RBM17: variants seen among roughly 807,000 people sequenced by gnomAD.
RBM17 encodes the protein splicing factor 45.
A neutral mutation model predicts 53.2 loss-of-function variants in RBM17; 7 were observed. The ratio of observed to expected loss-of-function variants is 0.13; its 90% CI spans 0.07 to 0.25. RBM17 has a LOEUF of 0.25. Among genes scored for constraint, RBM17 ranks in the 10% least tolerant of loss-of-function variants. The probability of loss-of-function intolerance (pLI) is 1.00; values close to 1 mark genes in which losing one functional copy is unlikely to be tolerated. For synonymous variants in RBM17, 167 were observed against 178.1 expected (o/e 0.94, Z 0.50); for missense variants, 257 against 496.7 (o/e 0.52, Z 4.59).
intron 1 of RBM17, chr10:6,096,790 A>G: frequency 4.7e-6 from 1 of 214,314 alleles, no homozygotes; most frequent in South Asian, 1.0e-4. Context: ...CCTAGCATTG[A>G]AGGATTTCAC....
chr10:6,111,395 A>G (rs572181836), intron 7 of RBM17, among the ~76,000 whole-genome samples: 3 of 152,358 alleles, frequency 2.0e-5, no homozygotes, highest in African/African-American at 7.2e-5. Context: ...GCTGGAGTGC[A>G]GTGGTGCGAT....
chr10:6,113,452 A>C lies in RBM17; in HGVS notation c.857-56A>C, dbSNP rs1434952730. 17 of 1,176,376 alleles carry C rather than the reference A, an allele frequency of 1.4e-5. No homozygotes were observed. In the East Asian group the frequency reaches 3.7e-4, roughly 26 times the overall value. The allele number at this position is 1,176,376 out of a possible 1,614,324, so 72.9% of individuals were successfully genotyped here. A position where few individuals can be genotyped will look rare whatever the true frequency, so the allele number is the denominator to read the frequency against. ...TAAGTAGGACTCAGTTCTGTAACAC[A>C]TCTAATGATATGCTGCTCAGTTCTG... On this transcript the variant is annotated intron_variant, in intron 8 of 11. Coordinates refer to ENST00000379888, the MANE Select transcript of RBM17 (RefSeq NM_032905.5).
chr10:6,093,968 A>ATTTTTTTT, intron 1 of RBM17, among the ~76,000 whole-genome samples: 1 of 93,272 alleles, frequency 1.1e-5, no homozygotes, highest in Non-Finnish European at 2.1e-5. Flanking sequence ...CAAGTGTGGA[A>ATTTTTTTT]TTTTTTTTTT....
chr10:6,108,522 C>G, intron 5 of RBM17, 164 bp from the exon 6 acceptor site: 1 of 517,196 alleles, frequency 1.9e-6, no homozygotes, highest in Non-Finnish European at 3.5e-6. Context: ...TAAATCCTAG[C>G]ATCAGAGGTT....
intron 2 of RBM17, among the ~76,000 whole-genome samples, chr10:6,098,577 T>A (rs984521255): frequency 8.0e-6 from 1 of 125,034 alleles, no homozygotes; most frequent in Admixed American, 7.9e-5. Flanking sequence ...TTTTTTTTTT[T>A]TTTTTTTTTT....
chr10:6,113,958 A>C, intron 9 of RBM17, 91 bp from the exon 10 acceptor site: 2 of 819,354 alleles, frequency 2.4e-6, no homozygotes, highest in Non-Finnish European at 3.9e-6. Flanking sequence ...GATTGAGAAC[A>C]TTTACCATCA....
rs1319472252 is a variant in RBM17 at position 6,089,793 on chromosome 10, C to G, written c.-19+600C>G. On this transcript the variant is annotated intron_variant, in intron 1 of 11. Coordinates refer to ENST00000379888, the MANE Select transcript of RBM17 (RefSeq NM_032905.5). The surrounding 1 kb of genome is among the most constrained non-coding windows in gnomAD (Gnocchi z 5.6). ...AGTCTTTGAGCTTCGCCTCTTGCCC[C>G]GAGAATGTGTAATGATCGGAGAATG... is the stretch of plus-strand genomic sequence containing the variant. 6.6e-6 allele frequency: 1 copy of G among 152,354 alleles called. No individual in the cohort carries two copies. Among genetic ancestry groups the G allele is most frequent in the Non-Finnish European group, 1.5e-5 (1 of 68,064 alleles). 9.4% of individuals were successfully genotyped at this position (152,354 alleles called of 1,614,324 possible). A position where few individuals can be genotyped will look rare whatever the true frequency, so the allele number is the denominator to read the frequency against.
intron 10 of RBM17, chr10:6,114,787 C>G (rs139909299): frequency 6.1e-6 from 1 of 162,608 alleles, no homozygotes; most frequent in African/African-American, 2.4e-5. Flanking sequence ...AATGGATGGG[C>G]CTGTTGGGGA....
At chr10:6,109,615 T>C (rs1840806919) in intron 6 of RBM17, among the ~76,000 whole-genome samples, 1 of 152,166 alleles carries the variant, frequency 6.6e-6, no homozygotes, top group Admixed American at 6.5e-5. Flanking sequence ...TCTAGACAGG[T>C]GCACCCAAGT....
rs1203330465 is a variant in RBM17 at position 6,115,743 on chromosome 10, T to A, written c.*187T>A. 7 of 433,654 alleles carry A rather than the reference T, an allele frequency of 1.6e-5. No homozygotes were observed. The highest frequency in any genetic ancestry group is 6.1e-5 in the African/African-American group (3 of 49,528). The allele number at this position is 433,654 out of a possible 1,614,324, so 26.9% of individuals were successfully genotyped here. On this transcript the variant is annotated 3_prime_UTR_variant, in exon 12 of 12. Coordinates refer to ENST00000379888, the MANE Select transcript of RBM17 (RefSeq NM_032905.5). ...TTTTAATATAGTATAAAAATCCTTT[T>A]AAAAAAACAACAATCTGTGTGCCTC...
At chr10:6,107,338 C>G (rs1316963024) in intron 5 of RBM17, among the ~76,000 whole-genome samples, 1 of 151,962 alleles carries the variant, frequency 6.6e-6, no homozygotes, top group Non-Finnish European at 1.5e-5. Flanking sequence ...CTACCACGCC[C>G]ATCTAATTTT....
At position 6,115,666 on chromosome 10, in the gene RBM17, T is replaced by C; in HGVS notation, c.*110T>C. On this transcript the variant is annotated 3_prime_UTR_variant, in exon 12 of 12. Coordinates refer to ENST00000379888, the MANE Select transcript of RBM17 (RefSeq NM_032905.5). ...CATGGCTGTTGCATACCAAGACTCT[T>C]GGAAGGACTTCTAAGATATATGTTG... 2 of 691,532 alleles carry C rather than the reference T, an allele frequency of 2.9e-6. No individual in the cohort carries two copies. 42.8% of individuals were successfully genotyped at this position (691,532 alleles called of 1,614,324 possible).
intron 1 of RBM17, among the ~76,000 whole-genome samples, chr10:6,095,423 G>C (rs1190820753): frequency 1.3e-5 from 2 of 152,004 alleles, no homozygotes; most frequent in Non-Finnish European, 2.9e-5. Context: ...GTGTTGGCCA[G>C]GCTGATCTCT....
intron 2 of RBM17, among the ~76,000 whole-genome samples, chr10:6,097,418 G>A (rs1211096341): frequency 1.3e-5 from 2 of 152,240 alleles, no homozygotes; most frequent in African/African-American, 2.4e-5. Context: ...CTCTGCGGGG[G>A]CTGGGCGCAG....
chr10:6,104,898 G>C (rs1253608928), intron 3 of RBM17, 33 bp from the exon 4 acceptor site: 1 of 1,595,306 alleles, frequency 6.3e-7, no homozygotes. Context: ...AAGATATAAA[G>C]AGGATTCTTA....
intron 5 of RBM17, 31 bp downstream of exon 5, chr10:6,106,269 A>T: frequency 1.4e-6 from 2 of 1,391,228 alleles, no homozygotes; most frequent in Non-Finnish European, 2.0e-6. Context: ...TCTTAAACAT[A>T]TATAAATACT....
At chr10:6,107,543 G>A (rs1448330347) in intron 5 of RBM17, among the ~76,000 whole-genome samples, 5 of 131,118 alleles carry the variant, frequency 3.8e-5, no homozygotes, top group Admixed American at 8.7e-5. Context: ...GTGCAGTGGC[G>A]CCATCTCGGC....
intron 2 of RBM17, among the ~76,000 whole-genome samples, chr10:6,099,966 G>A (rs1840646945): frequency 6.6e-6 from 1 of 152,122 alleles, no homozygotes; most frequent in South Asian, 2.1e-4. Flanking sequence ...GCTGAGACAG[G>A]AGAGTTGCTT....
rs765462755 is a variant in RBM17, at chr10:6,101,383, T to G, written c.236T>G (p.Leu79Arg). 6.2e-7 allele frequency: 1 copy of G among 1,606,816 alleles called. No individual in the cohort carries two copies. Among genetic ancestry groups the G allele is most frequent in the Admixed American group, 1.7e-5 (1 of 58,998 alleles). The change falls in exon 3 of 12, where the codon CTG becomes CGG. Residue 79 changes from leucine to arginine, a missense_variant. Around this residue, in one of 6 missense-constraint regions of RBM17, gnomAD observed 127 missense variants for 217.2 expected, o/e 0.58. Coordinates refer to ENST00000379888, the MANE Select transcript of RBM17 (RefSeq NM_032905.5). ...ACTCCACCGCATGTAGCAGCTGGGC[T>G]GAAGGTAAGCCCGCGCCTGCCTGTG... ...VDTPPHVAAG[L>R]KDPVPSGFSA...
Sources: gnomAD v4.1 joint callset for allele counts (sites outside exome capture counted in the v4.1 genomes callset) on GRCh38, gnomAD v4.1.1 for gene constraint, gnomAD v4.1.1 regional missense constraint, Gnocchi (gnomAD v3.1) non-coding constraint, MANE v1.5 for transcripts, NCBI Gene and HGNC (gene_info 2026-07-23, HGNC 2026-07-21) for gene names.